The following INTS10 variants were observed in gnomAD, a reference collection of about 807,000 sequenced individuals.
INTS10 encodes the protein chromosome 8 open reading frame 35.
A neutral mutation model predicts 94.4 loss-of-function variants in INTS10; 44 were observed. The ratio of observed to expected loss-of-function variants is 0.47; its 90% confidence interval spans 0.37 to 0.60. INTS10 has a LOEUF of 0.60. Among genes scored for constraint, INTS10 ranks in the 20% least tolerant of loss-of-function variants. The probability of loss-of-function intolerance (pLI) is 0.00; values close to 1 mark genes in which losing one functional copy is unlikely to be tolerated. For synonymous variants in INTS10, 341 were observed against 320.7 expected, an observed-to-expected ratio of 1.06 and a Z score of -0.68; for missense variants, 797 against 868.7, an observed-to-expected ratio of 0.92 and a Z score of 1.04.
chr8:19,818,603 A>C (rs921151865), intron 2 of INTS10: 1 of 485,184 alleles, frequency 2.1e-6, no homozygotes, highest in African/African-American at 1.9e-5. Context: ...TGTGCTCATT[A>C]CAAAAATTCA....
chr8:19,827,694 T>A (rs181216930), intron 9 of INTS10, among the ~76,000 whole-genome samples: 2 of 152,244 alleles, frequency 1.3e-5, no homozygotes, highest in South Asian at 4.1e-4. Context: ...TGTCAAGCAC[T>A]CATCTAGCAA....
intron 7 of INTS10, chr8:19,824,574 G>A (rs976761095): frequency 2.2e-6 from 1 of 455,380 alleles, no homozygotes; most frequent in African/African-American, 2.0e-5. Context: ...ACGTCTCCTA[G>A]ATACTTCAGA....
intron 4 of INTS10, chr8:19,821,853 T>C (rs376083799): frequency 6.6e-6 from 1 of 152,302 alleles, no homozygotes; most frequent in African/African-American, 2.4e-5. Flanking sequence ...TCCACTCCTG[T>C]GGTGCATCCC....
chr8:19,826,594 A>T (rs533414595), intron 9 of INTS10, 35 bp downstream of exon 9: 5 of 1,582,368 alleles, frequency 3.2e-6, no homozygotes, highest in Non-Finnish European at 4.3e-6. Flanking sequence ...AACAGATTGG[A>T]TGGGACGCTT....
At position 19,851,561 on chromosome 8, in the gene INTS10, G is replaced by A; in HGVS notation, c.1977-88G>A. Reference sequence around the variant, plus strand: ...ATCTGAAATTATACTTAGATATGGGGCAGGCTTTATTCCTACCCAAGTAGC... The same window carrying A: ...ATCTGAAATTATACTTAGATATGGGACAGGCTTTATTCCTACCCAAGTAGC... On this transcript the variant is annotated intron_variant, in intron 16 of 16. Transcript: ENST00000397977. The surrounding 1 kb of genome is among the most constrained non-coding windows in gnomAD (Gnocchi z 5.0). 3.4e-6 allele frequency: 4 copies of A among 1,160,138 alleles called. No individual in the cohort carries two copies. The highest frequency in any genetic ancestry group is 1.5e-5 in the African/African-American group (1 of 65,490). 71.9% of individuals were successfully genotyped at this position (1,160,138 alleles called of 1,614,324 possible).
chr8:19,841,255 C>T (rs181550969), intron 13 of INTS10, among the ~76,000 whole-genome samples: 1 of 152,242 alleles, frequency 6.6e-6, no homozygotes, highest in African/African-American at 2.4e-5. Flanking sequence ...TGAAATGTGA[C>T]AGCAAAAACT....
rs1443807502 is a variant in INTS10 at position 19,851,973 on chromosome 8, G to A, written c.*168G>A. 1 of 453,162 alleles carries A rather than the reference G, an allele frequency of 2.2e-6. No individual in the cohort carries two copies. The highest frequency in any genetic ancestry group is 3.9e-6 in the Non-Finnish European group (1 of 259,626). 28.1% of individuals were successfully genotyped at this position (453,162 alleles called of 1,614,324 possible). A position where few individuals can be genotyped will look rare whatever the true frequency, so the allele number is the denominator to read the frequency against. On this transcript the variant is annotated 3_prime_UTR_variant, in exon 17 of 17. Coordinates refer to ENST00000397977, the MANE Select transcript of INTS10 (RefSeq NM_018142.4). This position sits in a 1 kb window ranked among gnomAD's most constrained non-coding sequence, Gnocchi z 5.0. ...TTAAAAGTAGTTCCCAAGAGTCTGAGAAGCTATTTCTATTTTTAAGAGTCA... is the reference window on the plus strand; with the variant it reads ...TTAAAAGTAGTTCCCAAGAGTCTGAAAAGCTATTTCTATTTTTAAGAGTCA...
chr8:19,836,986 G>T, intron 12 of INTS10, 66 bp from the exon 13 acceptor site: 1 of 973,510 alleles, frequency 1.0e-6, no homozygotes, highest in Non-Finnish European at 1.7e-6. Context: ...CAAATATTTT[G>T]GTACTTTATT....
intron 13 of INTS10, chr8:19,841,855 T>G (rs796598979): frequency 3.1e-5 from 14 of 455,840 alleles, no homozygotes; most frequent in African/African-American, 2.4e-4. Flanking sequence ...GAAATTTTCT[T>G]TTTTAATGAG....
chr8:19,824,669 G>C, intron 7 of INTS10, 134 bp from the exon 8 acceptor site: 1 of 586,732 alleles, frequency 1.7e-6, no homozygotes, highest in Non-Finnish European at 2.9e-6. Flanking sequence ...CATTTATATT[G>C]GACAATAAAG....
chr8:19,833,375 T>A lies in INTS10; in HGVS notation c.1530+54T>A, dbSNP rs537653164. 3.8e-5 allele frequency: 52 copies of A among 1,369,422 alleles called. No individual in the cohort carries two copies. In the Admixed American group the frequency reaches 4.0e-4, roughly 11 times the overall value. The allele number at this position is 1,369,422 out of a possible 1,614,324, so 84.8% of individuals were successfully genotyped here. Reference sequence around the variant, plus strand: ...GCAGGTGCACGGGGCCACCTGGCCTTTCTCCTTTCCCTAGCGTGGCTTTTC... The same window carrying A: ...GCAGGTGCACGGGGCCACCTGGCCTATCTCCTTTCCCTAGCGTGGCTTTTC... On this transcript the variant is annotated intron_variant, in intron 12 of 16. Transcript: ENST00000397977.
At position 19,817,590 on chromosome 8, in the gene INTS10, T is replaced by C. The variant is rs1563312592; in HGVS notation, c.53T>C (p.Val18Ala). The C allele has an allele frequency of 6.2e-7, 1 of 1,608,948 alleles. No homozygotes were observed. Among genetic ancestry groups the C allele is most frequent in the East Asian group, 2.2e-5 (1 of 44,740 alleles). ...CTGGTGCAGCGAGCCCGGGAGTTGG[T>C]GCCGCAAGACCTGTGGGCAGCCAAG... ...EFLVQRAREL[V>A]PQDLWAAKAW... Residue 18 changes from valine (V) to alanine (A), a missense_variant, in exon 1 of 17, where the codon GTG (valine) becomes GCG (alanine). Around this residue, in one of 3 missense-constraint regions of INTS10, gnomAD observed 734 missense variants for 787.8 expected, o/e 0.93. Transcript: ENST00000397977.
In INTS10 at chr8:19,846,433, CAA is replaced by C. The variant is rs71205949; in HGVS notation, c.1976+646_1976+647del. On this transcript the variant is annotated intron_variant, in intron 16 of 16. Transcript: ENST00000397977. This position sits in a 1 kb window ranked among gnomAD's most constrained non-coding sequence, Gnocchi z 4.2. The stretch of plus-strand genomic sequence containing the variant: ...GGGCAACAAGAGTGAAACTCCATCT[CAA>C]AAAAAAAAACAAACAAACAAAACAG... Among the ~76,000 whole-genome samples the C allele has an allele frequency of 1.0e-4, 15 of 147,770 alleles. No individual in the cohort carries two copies. In the East Asian group the frequency reaches 2.4e-3, roughly 23 times the overall value.
At chr8:19,818,486 G>C (rs2066117318) in intron 2 of INTS10, 144 bp downstream of exon 2, 1 of 719,110 alleles carries the variant, frequency 1.4e-6, no homozygotes, top group South Asian at 1.7e-5. Flanking sequence ...AAGGAGTCCA[G>C]GCCTGCCATA....
chr8:19,829,829 C>T (rs1267380531), intron 9 of INTS10, among the ~76,000 whole-genome samples: 2 of 152,094 alleles, frequency 1.3e-5, no homozygotes, highest in African/African-American at 2.4e-5. Context: ...CCACCATGCC[C>T]GGCTGACTTT....
In INTS10 at chr8:19,817,478, G is replaced by C. The variant is rs1485884011; in HGVS notation, c.-60G>C. 8 of 1,562,492 alleles carry C rather than the reference G, an allele frequency of 5.1e-6. No homozygotes were observed. The African/African-American group carries it at 8.1e-5, about 16-fold the overall frequency. ...GGCGGCGGTGGCTGCCGTGGCGGCT[G>C]AGAGTCCAGAGCCGGACGTTCCGGC... On this transcript the variant is annotated 5_prime_UTR_variant, in exon 1 of 17. It removes the in-frame stop codon of an upstream open reading frame in the 5' UTR. Transcript: ENST00000397977.
At chr8:19,832,974 G>T (rs1209492597) in intron 11 of INTS10, among the ~76,000 whole-genome samples, 195 bp from the exon 12 acceptor site, 1 of 152,148 alleles carries the variant, frequency 6.6e-6, no homozygotes, top group Non-Finnish European at 1.5e-5. Flanking sequence ...CCGCCAGAAA[G>T]AACTCCCACC....
rs917915476 is a variant in INTS10, at chr8:19,849,258, G to C, written c.1977-2391G>C. The C allele has an allele frequency of 2.4e-6, 3 of 1,261,716 alleles. No individual in the cohort carries two copies. The highest frequency in any genetic ancestry group is 3.1e-6 in the Non-Finnish European group (3 of 963,794). 78.2% of individuals were successfully genotyped at this position (1,261,716 alleles called of 1,614,324 possible). Reference sequence around the variant, plus strand: ...CTGACAGGTACCAAGTGGAATCAACGCCCGCTCATAGTGTGCTGTTTGTCA... The same window carrying C: ...CTGACAGGTACCAAGTGGAATCAACCCCCGCTCATAGTGTGCTGTTTGTCA... On this transcript the variant is annotated intron_variant, in intron 16 of 16. Transcript: ENST00000397977. The surrounding 1 kb of genome is among the most constrained non-coding windows in gnomAD (Gnocchi z 4.6).
intron 15 of INTS10, among the ~76,000 whole-genome samples, 154 bp downstream of exon 15, chr8:19,844,392 G>A (rs1261546870): frequency 1.3e-5 from 2 of 152,210 alleles, no homozygotes; most frequent in Non-Finnish European, 2.9e-5. Context: ...GGCTGTGGCA[G>A]TTGATCTTCT....
Sources: gnomAD v4.1 joint callset for allele counts (sites outside exome capture counted in the v4.1 genomes callset) on GRCh38, gnomAD v4.1.1 for gene constraint, gnomAD v4.1.1 regional missense constraint, Gnocchi (gnomAD v3.1) non-coding constraint, MANE v1.5 for transcripts, NCBI Gene and HGNC (gene_info 2026-07-23, HGNC 2026-07-21) for gene names.